STAG1: variants seen among roughly 807,000 people sequenced by gnomAD.
STAG1 encodes STAG1 cohesin complex component.
Under a neutral mutation model 170.9 loss-of-function variants are expected in STAG1, and 26 were observed. That is an observed-to-expected ratio of 0.15 (90% confidence interval 0.11 to 0.21). The LOEUF (loss-of-function observed/expected upper bound fraction) is 0.21, where lower values mean the gene tolerates loss of function less well. Ranked by LOEUF, STAG1 falls within the 10% of genes least tolerant of loss-of-function variation. The pLI is 1.00. For synonymous variants in STAG1, 514 were observed against 497.7 expected, an observed-to-expected ratio of 1.03 and a Z score of -0.44; for missense variants, 964 against 1,509.5, an observed-to-expected ratio of 0.64 and a Z score of 5.99.
At chr3:136,669,841 C>T (rs1300543548) in intron 1 of STAG1, among the ~76,000 whole-genome samples, 2 of 152,212 alleles carry the variant, frequency 1.3e-5, no homozygotes, top group Admixed American at 6.5e-5. Flanking sequence ...TAGGAAAAAC[C>T]GTATTTACAA....
chr3:136,658,694 T>C (rs1425278775), intron 1 of STAG1, among the ~76,000 whole-genome samples: 3 of 152,240 alleles, frequency 2.0e-5, no homozygotes, highest in South Asian at 2.1e-4. Flanking sequence ...AATTATTGAT[T>C]AGTAAATTTC....
At chr3:136,693,615 T>C (rs1165210000) in intron 1 of STAG1, among the ~76,000 whole-genome samples, 3 of 152,188 alleles carry the variant, frequency 2.0e-5, no homozygotes, top group Non-Finnish European at 4.4e-5. Flanking sequence ...TGAATTTATC[T>C]GTTTTAACTG....
intron 1 of STAG1, among the ~76,000 whole-genome samples, chr3:136,728,992 T>A (rs1933849897): frequency 6.6e-6 from 1 of 152,122 alleles, no homozygotes; most frequent in African/African-American, 2.4e-5. Flanking sequence ...ATTCTTTTGT[T>A]TTTTTTGAGA....
rs1454272077 is a variant in STAG1 at position 136,336,788 on chromosome 3, T to C, written c.*1466A>G. On this transcript the variant is annotated 3_prime_UTR_variant, in exon 34 of 34. Coordinates refer to ENST00000383202, the MANE Select transcript of STAG1 (RefSeq NM_005862.3). ...AAAATCATCCATCATCATCTTGCTT[T>C]CCCGCACAAAAGATGATCACTGGGT... 1 of 152,264 alleles carries C rather than the reference T, an allele frequency of 6.6e-6. No individual in the cohort carries two copies. Among genetic ancestry groups the C allele is most frequent in the African/African-American group, 2.4e-5 (1 of 41,476 alleles). 9.4% of individuals were successfully genotyped at this position (152,264 alleles called of 1,614,324 possible). A position where few individuals can be genotyped will look rare whatever the true frequency, so the allele number is the denominator to read the frequency against.
intron 7 of STAG1, among the ~76,000 whole-genome samples, chr3:136,506,364 C>T (rs767217923): frequency 2.0e-5 from 3 of 151,612 alleles, no homozygotes; most frequent in Non-Finnish European, 4.4e-5. Flanking sequence ...GGCGAGGGGG[C>T]TCACGCCTGT....
intron 4 of STAG1, among the ~76,000 whole-genome samples, chr3:136,594,023 C>T (rs894876814): frequency 1.3e-5 from 2 of 152,106 alleles, no homozygotes; most frequent in Non-Finnish European, 2.9e-5. Context: ...CATTTTAATA[C>T]TTCTTGAAAC....
At chr3:136,629,482 T>C (rs1054410014) in intron 2 of STAG1, among the ~76,000 whole-genome samples, 1 of 152,018 alleles carries the variant, frequency 6.6e-6, no homozygotes, top group African/African-American at 2.4e-5. Flanking sequence ...TTATACCATA[T>C]TTATATATGT....
chr3:136,520,674 T>C (rs1453012001), intron 7 of STAG1, among the ~76,000 whole-genome samples: 3 of 152,164 alleles, frequency 2.0e-5, no homozygotes, highest in Non-Finnish European at 2.9e-5. Context: ...CTGTTAGTTC[T>C]TCAAATTATC....
rs776015281 is a variant in STAG1, at chr3:136,336,683, A to G, written c.*1571T>C. ...AAGAATTGCTGAATTAGCAGAGAAG[A>G]TATTTTTGGTGACCAGGTTTTTTTC... On this transcript the variant is annotated 3_prime_UTR_variant, in exon 34 of 34. Coordinates refer to ENST00000383202, the MANE Select transcript of STAG1 (RefSeq NM_005862.3). 5 of 152,228 alleles carry G rather than the reference A, an allele frequency of 3.3e-5. No individual in the cohort carries two copies. Among genetic ancestry groups the G allele is most frequent in the Non-Finnish European group, 5.9e-5 (4 of 68,048 alleles). 9.4% of individuals were successfully genotyped at this position (152,228 alleles called of 1,614,324 possible). A position where few individuals can be genotyped will look rare whatever the true frequency, so the allele number is the denominator to read the frequency against.
Position 136,590,744 on chromosome 3 carries a change from AATG to A in STAG1, c.297+13562_297+13564del, listed in dbSNP as rs1938122568. On this transcript the variant is annotated intron_variant, in intron 4 of 33. Coordinates refer to ENST00000383202, the MANE Select transcript of STAG1 (RefSeq NM_005862.3). ...TTCAGCTGAATCTCTAAAGGGGTTCAATGATGATAGCTTTATAAAAATACAATT... is the reference window on the plus strand; with the variant it reads ...TTCAGCTGAATCTCTAAAGGGGTTCAATGATAGCTTTATAAAAATACAATT... Among the ~76,000 whole-genome samples, 3 of 152,210 alleles carry A rather than the reference AATG, an allele frequency of 2.0e-5. No individual in the cohort carries two copies. In the South Asian group the frequency reaches 6.2e-4, roughly 32 times the overall value.
At position 136,387,945 on chromosome 3, in the gene STAG1, A is replaced by G. The variant is rs1300105607; in HGVS notation, c.2278-10193T>C. Among the ~76,000 whole-genome samples, 6 of 152,264 alleles carry G rather than the reference A, an allele frequency of 3.9e-5. 1 individual carries two copies. The East Asian group carries it at 1.2e-3, about 29-fold the overall frequency. On this transcript the variant is annotated intron_variant, in intron 22 of 33. Transcript: ENST00000383202. ...CCAAAGTGAGAGACTTGAATTCCCA[A>G]ATTATCCCAAAAATTCAGATGGAGG...
At chr3:136,427,716 CCA>C (rs1261547299) in intron 16 of STAG1, among the ~76,000 whole-genome samples, 1 of 149,460 alleles carries the variant, frequency 6.7e-6, no homozygotes, top group Non-Finnish European at 1.5e-5. Context: ...GGTGCAAAAA[CCA>C]CTGTACCTTT....
intron 6 of STAG1, among the ~76,000 whole-genome samples, chr3:136,533,786 A>G (rs1229919461): frequency 2.0e-5 from 3 of 152,186 alleles, no homozygotes; most frequent in African/African-American, 4.8e-5. Flanking sequence ...CATCCAAACC[A>G]TATCAATGAC....
At chr3:136,637,992 C>T (rs866390656) in intron 1 of STAG1, among the ~76,000 whole-genome samples, 3 of 152,032 alleles carry the variant, frequency 2.0e-5, no homozygotes, top group Non-Finnish European at 4.4e-5. Flanking sequence ...TGGCCACAGC[C>T]TCCAACTCCT....
intron 22 of STAG1, among the ~76,000 whole-genome samples, chr3:136,398,437 T>C (rs1459079166): frequency 6.6e-6 from 1 of 152,024 alleles, no homozygotes; most frequent in Non-Finnish European, 1.5e-5. Flanking sequence ...TTCTTTTTAA[T>C]AGCATGTTAC....
At chr3:136,418,636 T>C (rs569529301) in intron 20 of STAG1, among the ~76,000 whole-genome samples, 2 of 151,192 alleles carry the variant, frequency 1.3e-5, no homozygotes, top group East Asian at 1.9e-4. Context: ...TTATTGTATA[T>C]ATAATAGTAT....
chr3:136,426,348 C>G (rs1164798019), intron 16 of STAG1, among the ~76,000 whole-genome samples: 1 of 152,084 alleles, frequency 6.6e-6, no homozygotes, highest in African/African-American at 2.4e-5. Context: ...GGGGGCGGAG[C>G]CTGCAGTGAG....
intron 13 of STAG1, among the ~76,000 whole-genome samples, chr3:136,452,607 T>C (rs2088977289): frequency 6.6e-6 from 1 of 151,390 alleles, no homozygotes; most frequent in Non-Finnish European, 1.5e-5. Flanking sequence ...AATAGAAATA[T>C]GTAACTGATG....
At chr3:136,706,452 G>C (rs1943230726) in intron 1 of STAG1, among the ~76,000 whole-genome samples, 1 of 151,424 alleles carries the variant, frequency 6.6e-6, no homozygotes, top group South Asian at 2.1e-4. Flanking sequence ...AATCCAAAAA[G>C]GAAAGAAAAC....
Sources: allele counts gnomAD v4.1 joint callset (sites outside exome capture counted in the v4.1 genomes callset), GRCh38; gene constraint gnomAD v4.1.1; transcripts MANE v1.5; gene names NCBI Gene and HGNC (gene_info 2026-07-23, HGNC 2026-07-21).